The following ADGRF1 variants were observed in gnomAD, a reference collection of about 807,000 sequenced individuals.
The protein encoded by ADGRF1 is G protein-coupled receptor 110.
Under a neutral mutation model 87.2 loss-of-function variants are expected in ADGRF1, and 85 were observed. That is an observed-to-expected ratio of 0.97 (90% CI 0.82 to 1.17). The LOEUF is 1.17. Among genes scored for constraint, ADGRF1 ranks in the 50% most tolerant of loss-of-function variants. The pLI, the probability that ADGRF1 is intolerant of heterozygous loss-of-function variation, is 0.00. For missense variants in ADGRF1, 1,169 were observed against 1,077.2 expected (o/e 1.09, Z -1.19); for synonymous variants, 430 against 408.8 (o/e 1.05, Z -0.63).
chr6:47,013,144 G>A (rs1027597463), intron 9 of ADGRF1: 1 of 985,448 alleles, frequency 1.0e-6, no homozygotes, highest in Non-Finnish European at 1.2e-6. Flanking sequence ...TTGGAAAGCA[G>A]CAAAGGAAGG....
At chr6:47,017,295 A>T (rs1779913315) in intron 7 of ADGRF1, 1 of 152,214 alleles carries the variant, frequency 6.6e-6, no homozygotes, top group Admixed American at 6.5e-5. Context: ...ATTCTTTATT[A>T]AAAAGTTTTC....
intron 1 of ADGRF1, among the ~76,000 whole-genome samples, chr6:47,037,767 C>A (rs1327079167): frequency 6.6e-6 from 1 of 152,188 alleles, no homozygotes; most frequent in African/African-American, 2.4e-5. Flanking sequence ...TCTTCCTTAG[C>A]CTCTCAAAGT....
chr6:47,009,361 G>C lies in ADGRF1; in HGVS notation c.2074C>G (p.His692Asp). 6.2e-7 allele frequency: 1 copy of C among 1,614,160 alleles called. No individual in the cohort carries two copies. Residue 692 changes from histidine to aspartate, a missense_variant, in exon 11 of 15, where the codon CAC becomes GAC. Coordinates refer to ENST00000371253, the MANE Select transcript of ADGRF1 (RefSeq NM_153840.4). The part of the protein sequence containing the change: ...LAYRIILVFH[H>D]MAQHLMMAVG... ...GCCATCATCAAATGCTGGGCCATGT[G>C]ATGGAACACGAGGATGATCCGGTAA...
At chr6:47,001,469 C>G in intron 14 of ADGRF1, 32 bp downstream of exon 14, 2 of 1,586,692 alleles carry the variant, frequency 1.3e-6, no homozygotes, top group Non-Finnish European at 1.7e-6. Context: ...CTTTTCACAC[C>G]TTTTATAACC....
intron 1 of ADGRF1, among the ~76,000 whole-genome samples, chr6:47,040,787 A>C (rs1446186076): frequency 6.6e-6 from 1 of 152,194 alleles, no homozygotes; most frequent in African/African-American, 2.4e-5. Flanking sequence ...GAATGTGTTC[A>C]TTTACTTTTT....
intron 1 of ADGRF1, among the ~76,000 whole-genome samples, chr6:47,036,115 C>T (rs1038517160): frequency 2.0e-5 from 3 of 152,042 alleles, no homozygotes; most frequent in Non-Finnish European, 4.4e-5. Flanking sequence ...CCTGTGGTCC[C>T]AGCTACTTGG....
chr6:47,014,416 A>G (rs1779799804), intron 9 of ADGRF1: 1 of 1,174,478 alleles, frequency 8.5e-7, no homozygotes, highest in Non-Finnish European at 1.1e-6. Flanking sequence ...AGACCTCCTC[A>G]GCAATGATAC....
intron 12 of ADGRF1, among the ~76,000 whole-genome samples, chr6:47,006,926 A>C (rs1237224292): frequency 6.6e-6 from 1 of 152,238 alleles, no homozygotes; most frequent in Non-Finnish European, 1.5e-5. Context: ...AAAGAACAAA[A>C]GAGAATTCAC....
chr6:47,011,077 A>C (rs1271677006), intron 10 of ADGRF1, among the ~76,000 whole-genome samples: 1 of 152,124 alleles, frequency 6.6e-6, no homozygotes, highest in Non-Finnish European at 1.5e-5. Context: ...TTCTACTTCT[A>C]CTGCCCCTAG....
intron 9 of ADGRF1, 80 bp from the exon 10 acceptor site, chr6:47,012,275 A>G: frequency 6.4e-7 from 1 of 1,559,660 alleles, no homozygotes. Context: ...TCTTGGCCAT[A>G]TAGAACTAAC....
Position 47,009,976 on chromosome 6 carries a change from G to C in ADGRF1, c.1459C>G (p.Leu487Val). ...TTGGAAACGGGTAGAATGTTCCCCA[G>C]AGTCAACGAGGCCATGCTGATAATA... ...ETIISMASLT[L>V]GNILPVSKNG... The change falls in exon 11 of 15, where the codon CTG (leucine) becomes GTG (valine). Residue 487 changes from leucine to valine, a missense_variant. Transcript: ENST00000371253. The C allele has an allele frequency of 8.1e-6, 13 of 1,614,152 alleles. No individual in the cohort carries two copies. The highest frequency in any genetic ancestry group is 1.1e-5 in the Non-Finnish European group (13 of 1,179,994).
chr6:47,006,755 C>T (rs1031087000), intron 12 of ADGRF1, among the ~76,000 whole-genome samples: 8 of 152,168 alleles, frequency 5.3e-5, no homozygotes, highest in Admixed American at 6.5e-5. Flanking sequence ...TTATCACCCA[C>T]TTATGAGTGA....
At chr6:47,027,622 C>T in intron 3 of ADGRF1, 82 bp downstream of exon 3, 1 of 845,822 alleles carries the variant, frequency 1.2e-6, no homozygotes, top group Non-Finnish European at 2.0e-6. Context: ...ATCATACAAC[C>T]AGTCAGGGGC....
intron 3 of ADGRF1, among the ~76,000 whole-genome samples, chr6:47,026,681 A>C (rs1345316875): frequency 1.3e-5 from 2 of 152,058 alleles, no homozygotes; most frequent in Non-Finnish European, 2.9e-5. Flanking sequence ...AAGCCCATTC[A>C]CATAAAACTT....
intron 1 of ADGRF1, among the ~76,000 whole-genome samples, chr6:47,038,140 C>G (rs1383562950): frequency 6.6e-6 from 1 of 152,186 alleles, no homozygotes; most frequent in Non-Finnish European, 1.5e-5. Flanking sequence ...GGATTACAGG[C>G]GTGAGGCACC....
In ADGRF1 at chr6:47,005,809, A is replaced by G; in HGVS notation, c.2592+8T>C. On this transcript the variant is annotated splice_region_variant and intron_variant, in intron 13 of 14. Coordinates refer to ENST00000371253, the MANE Select transcript of ADGRF1 (RefSeq NM_153840.4). ...TGTATTGGATTCATGGCAGTAGGAG[A>G]TAATTACCTTTTCTGTTTGCTTCCA... The G allele has an allele frequency of 3.7e-6, 6 of 1,605,240 alleles. No individual in the cohort carries two copies. Among genetic ancestry groups the G allele is most frequent in the Middle Eastern group, 1.7e-4 (1 of 6,038 alleles).
rs79664446 is a variant in ADGRF1 at position 47,020,025 on chromosome 6, G to A, written c.611+706C>T. On this transcript the variant is annotated intron_variant, in intron 7 of 14. Transcript: ENST00000371253. ...CGAATTATGAGGCATCATATCTCCT[G>A]TAGTTGCTGAAGGAGAAAATCCACC... The A allele has an allele frequency of 1.6e-4, 162 of 992,050 alleles. 1 individual carries two copies. In the East Asian group the frequency reaches 0.01, roughly 64 times the overall value. 61.5% of individuals were successfully genotyped at this position (992,050 alleles called of 1,614,324 possible).
chr6:47,033,228 G>A (rs976116241), intron 1 of ADGRF1, among the ~76,000 whole-genome samples: 5 of 152,174 alleles, frequency 3.3e-5, no homozygotes, highest in African/African-American at 9.7e-5. Flanking sequence ...ATGGTGGGAC[G>A]CCCCCTCCGC....
Position 47,025,949 on chromosome 6 carries a change from T to G in ADGRF1, c.182A>C (p.Glu61Ala). Reference protein sequence around the residue: ...LLQVTYRDSKEKRDLRNFLKL... With the variant: ...LLQVTYRDSKAKRDLRNFLKL... ...CAGAAAATTTCTCAAATCTCTTTTC[T>G]CCTTGGAATCTCTATAGGTCACCTG... The change falls in exon 4 of 15, where the codon GAG becomes GCG. Residue 61 changes from glutamate to alanine, a missense_variant. By Grantham distance (107) the Glu-to-Ala change is moderately radical. Coordinates refer to ENST00000371253, the MANE Select transcript of ADGRF1 (RefSeq NM_153840.4). 1 of 1,611,952 alleles carries G rather than the reference T, an allele frequency of 6.2e-7. No homozygotes were observed. The highest frequency in any genetic ancestry group is 8.5e-7 in the Non-Finnish European group (1 of 1,179,376).
Sources: allele counts gnomAD v4.1 joint callset (sites outside exome capture counted in the v4.1 genomes callset), GRCh38; gene constraint gnomAD v4.1.1; transcripts MANE v1.5; gene names NCBI Gene and HGNC (gene_info 2026-07-23, HGNC 2026-07-21).